The following ELOVL6 variants were observed in gnomAD, a reference collection of about 807,000 sequenced individuals.
ELOVL6 encodes very long chain fatty acid elongase 6.
In ELOVL6, 8 loss-of-function variants were observed where a neutral mutation model predicts 31.7. The ratio of observed to expected loss-of-function variants is 0.25; its 90% CI spans 0.15 to 0.45. ELOVL6 has a LOEUF of 0.45. Ranked by LOEUF, ELOVL6 falls within the 20% of genes least tolerant of loss-of-function variation. ELOVL6 has a pLI of 1.00. For missense variants in ELOVL6, 126 were observed against 326.4 expected, an observed-to-expected ratio of 0.39 and a Z score of 4.73; for synonymous variants, 101 against 117.7, an observed-to-expected ratio of 0.86 and a Z score of 0.92.
At chr4:110,111,751 T>C (rs982407316) in intron 1 of ELOVL6, among the ~76,000 whole-genome samples, 7 of 152,080 alleles carry the variant, frequency 4.6e-5, no homozygotes, top group Non-Finnish European at 2.9e-5. Context: ...CAAGTAGCAA[T>C]AGGCAATGGA....
intron 2 of ELOVL6, among the ~76,000 whole-genome samples, chr4:110,065,795 T>G (rs1358847945): frequency 6.6e-6 from 1 of 152,226 alleles, no homozygotes; most frequent in Non-Finnish European, 1.5e-5. Flanking sequence ...TCCAGAATTC[T>G]GCCCTGGGGG....
rs533538703 is a variant in ELOVL6 at position 110,154,452 on chromosome 4, A to G, written c.89+43795T>C. On this transcript the variant is annotated intron_variant, in intron 1 of 3. Coordinates refer to ENST00000302274, the MANE Select transcript of ELOVL6 (RefSeq NM_024090.3). Reference sequence around the variant, plus strand: ...GTATTTTTAGTAGAGGCAGGATTTCACCATATTGGCCAGGCTGGTCGTGAA... The same window carrying G: ...GTATTTTTAGTAGAGGCAGGATTTCGCCATATTGGCCAGGCTGGTCGTGAA... Among the ~76,000 whole-genome samples, 17 of 151,950 alleles carry G rather than the reference A, an allele frequency of 1.1e-4. No individual in the cohort carries two copies. The South Asian group carries it at 3.5e-3, about 32-fold the overall frequency.
intron 2 of ELOVL6, among the ~76,000 whole-genome samples, chr4:110,074,249 A>T (rs146088553): frequency 4.9e-4 from 74 of 152,338 alleles, no homozygotes; most frequent in African/African-American, 1.6e-3. Context: ...CATCTCCAGG[A>T]TTACTTATAA....
At chr4:110,128,341 C>A (rs985927138) in intron 1 of ELOVL6, among the ~76,000 whole-genome samples, 1 of 152,136 alleles carries the variant, frequency 6.6e-6, no homozygotes, top group African/African-American at 2.4e-5. Context: ...CTCTTATAGG[C>A]CATGCTAAGA....
intron 1 of ELOVL6, among the ~76,000 whole-genome samples, chr4:110,113,060 T>TA (rs1757079245): frequency 6.6e-6 from 1 of 150,378 alleles, no homozygotes; most frequent in African/African-American, 2.4e-5. Context: ...CCGTCTCTAC[T>TA]AAAAAAATAC....
intron 3 of ELOVL6, among the ~76,000 whole-genome samples, chr4:110,057,285 T>C (rs897873969): frequency 4.6e-5 from 7 of 151,966 alleles, no homozygotes; most frequent in African/African-American, 1.7e-4. Context: ...CCAGCCATAG[T>C]CTAGTCTCCT....
chr4:110,149,358 A>G (rs1758219415), intron 1 of ELOVL6, among the ~76,000 whole-genome samples: 2 of 152,252 alleles, frequency 1.3e-5, no homozygotes, highest in Non-Finnish European at 2.9e-5. Context: ...TGTTCACAAT[A>G]TCAAACATAT....
intron 1 of ELOVL6, among the ~76,000 whole-genome samples, chr4:110,108,573 CA>C (rs1183808005): frequency 6.6e-6 from 1 of 152,174 alleles, no homozygotes; most frequent in Non-Finnish European, 1.5e-5. Flanking sequence ...TTGATAATTG[CA>C]AGCAAGGAAC....
intron 2 of ELOVL6, among the ~76,000 whole-genome samples, chr4:110,061,204 C>T (rs76296380): frequency 2.6e-5 from 4 of 152,170 alleles, no homozygotes; most frequent in South Asian, 4.2e-4. Context: ...TTATCAGGAC[C>T]GACAAGGCCT....
intron 2 of ELOVL6, among the ~76,000 whole-genome samples, chr4:110,089,623 T>A (rs1010907292): frequency 1.3e-5 from 2 of 152,166 alleles, no homozygotes; most frequent in African/African-American, 2.4e-5. Context: ...AGCATGCTAT[T>A]TTTGAGATGC....
In ELOVL6 at chr4:110,047,339, A is replaced by C. The variant is rs1471520395; in HGVS notation, c.*3999T>G. 2.7e-5 allele frequency: 2 copies of C among 74,478 alleles called. No individual in the cohort carries two copies. Among genetic ancestry groups the C allele is most frequent in the South Asian group, 3.9e-4 (1 of 2,552 alleles). The allele number at this position is 74,478 out of a possible 1,614,324, so 4.6% of individuals were successfully genotyped here. On this transcript the variant is annotated 3_prime_UTR_variant, in exon 4 of 4. Transcript: ENST00000302274. ...CTGTTAAAGAATCATTAAGGAAACCAAAAAAAAAAAAAAGCCCTCAGAATA... is the reference window on the plus strand; with the variant it reads ...CTGTTAAAGAATCATTAAGGAAACCCAAAAAAAAAAAAAGCCCTCAGAATA...
At chr4:110,081,918 C>G (rs1470401474) in intron 2 of ELOVL6, among the ~76,000 whole-genome samples, 1 of 150,854 alleles carries the variant, frequency 6.6e-6, no homozygotes, top group African/African-American at 2.4e-5. Context: ...ACAGCCCCAT[C>G]AAAAAGTGGG....
chr4:110,106,897 A>G (rs9992608), intron 1 of ELOVL6, among the ~76,000 whole-genome samples: 47,195 of 152,068 alleles, frequency 0.31, 8,430 homozygotes, highest in East Asian at 0.71. Flanking sequence ...CTTCTATAAT[A>G]GAACTATGAT....
chr4:110,137,743 A>G (rs1757849014), intron 1 of ELOVL6, among the ~76,000 whole-genome samples: 1 of 152,162 alleles, frequency 6.6e-6, no homozygotes, highest in Admixed American at 6.5e-5. Context: ...CCTCAACAAC[A>G]CACTCTGAGG....
intron 2 of ELOVL6, among the ~76,000 whole-genome samples, chr4:110,090,606 T>TGTTTTTTTTTTTTTTTG (rs201689820): frequency 4.3e-5 from 6 of 139,930 alleles, no homozygotes; most frequent in Non-Finnish European, 7.7e-5. Context: ...CTTTCTTTTT[T>TGTTTTTTTTTTTTTTTG]TTTTTTTTTT....
chr4:110,132,312 A>G lies in ELOVL6; in HGVS notation c.90-26684T>C, dbSNP rs1014983351. Among the ~76,000 whole-genome samples the G allele has an allele frequency of 2.6e-5, 4 of 152,152 alleles. No homozygotes were observed. The East Asian group carries it at 7.7e-4, about 29-fold the overall frequency. On this transcript the variant is annotated intron_variant, in intron 1 of 3. Coordinates refer to ENST00000302274, the MANE Select transcript of ELOVL6 (RefSeq NM_024090.3). ...CCAGGTAACTGCAGTTTTCCTCAAGAGAAGATGCTTAAGGTGGTAGAAGCA... is the reference window on the plus strand; with the variant it reads ...CCAGGTAACTGCAGTTTTCCTCAAGGGAAGATGCTTAAGGTGGTAGAAGCA...
At chr4:110,107,365 C>T (rs753840632) in intron 1 of ELOVL6, among the ~76,000 whole-genome samples, 1 of 152,130 alleles carries the variant, frequency 6.6e-6, no homozygotes, top group Non-Finnish European at 1.5e-5. Context: ...GTGGTCTTGT[C>T]CTATCAAATT....
chr4:110,146,143 A>C (rs1758104047), intron 1 of ELOVL6, among the ~76,000 whole-genome samples: 1 of 152,208 alleles, frequency 6.6e-6, no homozygotes, highest in Non-Finnish European at 1.5e-5. Flanking sequence ...TGTTAAAAAC[A>C]GACACATTGA....
Position 110,120,714 on chromosome 4 carries a change from C to A in ELOVL6, c.90-15086G>T, listed in dbSNP as rs573199562. On this transcript the variant is annotated intron_variant, in intron 1 of 3. Coordinates refer to ENST00000302274, the MANE Select transcript of ELOVL6 (RefSeq NM_024090.3). ...TGAGATTCCACCGCTACATTGTATACCAGGAATGTTACACTTCTCAACCAC... is the reference window on the plus strand; with the variant it reads ...TGAGATTCCACCGCTACATTGTATAACAGGAATGTTACACTTCTCAACCAC... 3.3e-5 allele frequency among the ~76,000 whole-genome samples: 5 copies of A among 152,006 alleles called. No individual in the cohort carries two copies. The East Asian group carries it at 9.7e-4, about 29-fold the overall frequency.
Sources: gnomAD v4.1 joint callset for allele counts (sites outside exome capture counted in the v4.1 genomes callset) on GRCh38, gnomAD v4.1.1 for gene constraint, MANE v1.5 for transcripts, NCBI Gene and HGNC (gene_info 2026-07-23, HGNC 2026-07-21) for gene names.